The following RAP1GAP2 variants were observed in gnomAD, a reference collection of about 807,000 sequenced individuals.
RAP1GAP2 encodes RAP1 GTPase activating protein 2.
RAP1GAP2 carries 27 observed loss-of-function variants against 95.0 expected under a neutral mutation model. The ratio of observed to expected loss-of-function variants is 0.28; its 90% CI spans 0.21 to 0.39. The LOEUF (loss-of-function observed/expected upper bound fraction) is 0.39. Among genes scored for constraint, RAP1GAP2 ranks in the 10% least tolerant of loss-of-function variants. RAP1GAP2 has a pLI of 1.00. For synonymous variants in RAP1GAP2, 373 were observed against 380.9 expected (o/e 0.98, Z 0.24); for missense variants, 771 against 970.0 (o/e 0.79, Z 2.72).
At chr17:2,875,672 T>C (rs773768464) in intron 2 of RAP1GAP2, among the ~76,000 whole-genome samples, 35 of 152,220 alleles carry the variant, frequency 2.3e-4, no homozygotes, top group Admixed American at 9.2e-4. Context: ...TGCCTTTTTT[T>C]CTCACGACAG....
chr17:3,002,664 G>A (rs2046200804), intron 14 of RAP1GAP2, among the ~76,000 whole-genome samples: 1 of 152,190 alleles, frequency 6.6e-6, no homozygotes, highest in South Asian at 2.1e-4. Context: ...GTGAGCTGAA[G>A]AAAGAAGAGT....
chr17:2,799,464 G>A lies in RAP1GAP2; in HGVS notation c.45-1051G>A, dbSNP rs374541207. On this transcript the variant is annotated intron_variant, in intron 1 of 24. Coordinates refer to ENST00000254695, the MANE Select transcript of RAP1GAP2 (RefSeq NM_015085.5). Reference sequence around the variant, plus strand: ...GTGACTTGTGGGCTGGCTCAGCTCCGTGTCCTCTCCTCTTCCCTGGAGCTG... The same window carrying A: ...GTGACTTGTGGGCTGGCTCAGCTCCATGTCCTCTCCTCTTCCCTGGAGCTG... Among the ~76,000 whole-genome samples, 416 of 152,286 alleles carry A rather than the reference G, an allele frequency of 2.7e-3. 2 individuals carry two copies. Among genetic ancestry groups the A allele is most frequent in the African/African-American group, 8.7e-3 (363 of 41,562 alleles).
At chr17:2,942,222 C>T (rs1171857056) in intron 3 of RAP1GAP2, among the ~76,000 whole-genome samples, 3 of 152,194 alleles carry the variant, frequency 2.0e-5, no homozygotes, top group Non-Finnish European at 4.4e-5. Context: ...ACGTGTGAGG[C>T]GTATGGAAAG....
chr17:2,893,481 T>TGA (rs2073785273), intron 2 of RAP1GAP2, among the ~76,000 whole-genome samples: 1 of 152,224 alleles, frequency 6.6e-6, no homozygotes, highest in Non-Finnish European at 1.5e-5. Context: ...GGGTACATAG[T>TGA]TATCACTGCT....
intron 2 of RAP1GAP2, among the ~76,000 whole-genome samples, chr17:2,876,981 C>T (rs576134957): frequency 1.8e-4 from 28 of 151,736 alleles, no homozygotes; most frequent in African/African-American, 4.8e-4. Context: ...CTCCACCTCC[C>T]GGGTTCAAGC....
rs553563102 is a variant in RAP1GAP2, at chr17:2,906,368, C to T, written c.165+1000C>T. On this transcript the variant is annotated intron_variant, in intron 3 of 24. Coordinates refer to ENST00000254695, the MANE Select transcript of RAP1GAP2 (RefSeq NM_015085.5). The surrounding 1 kb of genome is among the most constrained non-coding windows in gnomAD (Gnocchi z 4.3). ...CATCTTCCTGTTGTTGTCCTGTATC[C>T]GATACCCATCACATACAGAGCCATG... Among the ~76,000 whole-genome samples the T allele has an allele frequency of 6.6e-6, 1 of 152,216 alleles. No individual in the cohort carries two copies. Among genetic ancestry groups the T allele is most frequent in the East Asian group, 1.9e-4 (1 of 5,168 alleles).
chr17:2,888,813 G>A (rs995770869), intron 2 of RAP1GAP2, among the ~76,000 whole-genome samples: 1 of 104,792 alleles, frequency 9.5e-6, no homozygotes, highest in African/African-American at 3.7e-5. Flanking sequence ...ACCACGCCCA[G>A]CTAATTTTTT....
In RAP1GAP2 at chr17:3,017,500, C is replaced by T. The variant is rs371187826; in HGVS notation, c.1495-561C>T. 6.6e-5 allele frequency among the ~76,000 whole-genome samples: 10 copies of T among 152,296 alleles called. 1 individual carries two copies. Among genetic ancestry groups the T allele is most frequent in the Admixed American group, 2.6e-4 (4 of 15,300 alleles). On this transcript the variant is annotated intron_variant, in intron 17 of 24. Coordinates refer to ENST00000254695, the MANE Select transcript of RAP1GAP2 (RefSeq NM_015085.5). ...CTCACACACTTGCACCCATGGCCAG[C>T]ATATTCCAAGTTGCCCAGAGCACAC...
At chr17:3,012,522 G>C (rs577250611) in intron 17 of RAP1GAP2, among the ~76,000 whole-genome samples, 1 of 151,100 alleles carries the variant, frequency 6.6e-6, no homozygotes, top group Non-Finnish European at 1.5e-5. Flanking sequence ...GGAGGCTGGG[G>C]CAGGAGAATT....
rs946733710 is a variant in RAP1GAP2 at position 2,963,578 on chromosome 17, G to T, written c.279+116G>T. 49 of 1,362,612 alleles carry T rather than the reference G, an allele frequency of 3.6e-5. No homozygotes were observed. Among genetic ancestry groups the T allele is most frequent in the Non-Finnish European group, 9.4e-6 (9 of 961,608 alleles). The allele number at this position is 1,362,612 out of a possible 1,614,324, so 84.4% of individuals were successfully genotyped here. A position where few individuals can be genotyped will look rare whatever the true frequency, so the allele number is the denominator to read the frequency against. On this transcript the variant is annotated intron_variant, in intron 6 of 24. Transcript: ENST00000254695. This position sits in a 1 kb window ranked among gnomAD's most constrained non-coding sequence, Gnocchi z 4.8. ...CCCAGGGGAGAGAACCTTGGGCCTG[G>T]GACCTCTCTTCCTGTCTTTGCCTTT...
At chr17:2,830,961 TCCCC>T (rs2070810429) in intron 2 of RAP1GAP2, among the ~76,000 whole-genome samples, 1 of 89,944 alleles carries the variant, frequency 1.1e-5, no homozygotes, top group African/African-American at 4.4e-5. Flanking sequence ...TCCCCTCCCC[TCCCC>T]TTCCCTCCCT....
intron 2 of RAP1GAP2, among the ~76,000 whole-genome samples, chr17:2,848,915 G>C (rs879826284): frequency 1.3e-5 from 2 of 152,090 alleles, no homozygotes; most frequent in Non-Finnish European, 2.9e-5. Flanking sequence ...CCCCTCCTCT[G>C]TCTTCCTCCT....
In RAP1GAP2 at chr17:3,020,231, T is replaced by C. The variant is rs1322110865; in HGVS notation, c.1633-246T>C. ...GCCTGGCCCTGTGTTCCTCCAACAG[T>C]TGTGGTCTTTGGTGGATCATGACCT... On this transcript the variant is annotated intron_variant, in intron 18 of 24. Transcript: ENST00000254695. Among the ~76,000 whole-genome samples, 6 of 152,310 alleles carry C rather than the reference T, an allele frequency of 3.9e-5. No individual in the cohort carries two copies. The East Asian group carries it at 1.2e-3, about 30-fold the overall frequency.
chr17:2,757,899 T>G (rs1294839455), intron 1 of RAP1GAP2, among the ~76,000 whole-genome samples: 2 of 151,410 alleles, frequency 1.3e-5, no homozygotes, highest in East Asian at 1.9e-4. Flanking sequence ...AGATGGAGTC[T>G]CACACTGTCA....
chr17:3,018,965 A>G (rs2046868162), intron 18 of RAP1GAP2, among the ~76,000 whole-genome samples: 1 of 152,250 alleles, frequency 6.6e-6, no homozygotes, highest in African/African-American at 2.4e-5. Flanking sequence ...CAGGAGGCTG[A>G]GGCAGAGAAT....
intron 2 of RAP1GAP2, among the ~76,000 whole-genome samples, chr17:2,815,652 T>C (rs1966302): frequency 0.46 from 69,971 of 151,464 alleles, 16,573 homozygotes; most frequent in Non-Finnish European, 0.52. Flanking sequence ...CAGCTAATTT[T>C]TGTATTTTTA....
At chr17:2,767,591 C>T (rs1314369230) in intron 1 of RAP1GAP2, among the ~76,000 whole-genome samples, 4 of 136,774 alleles carry the variant, frequency 2.9e-5, no homozygotes, top group Non-Finnish European at 4.7e-5. Flanking sequence ...ATGTCAATCA[C>T]GCATGAGGCC....
chr17:2,962,835 C>G, intron 5 of RAP1GAP2, 121 bp downstream of exon 5: 1 of 970,060 alleles, frequency 1.0e-6, no homozygotes, highest in South Asian at 1.8e-5. Flanking sequence ...AACTCTGACT[C>G]GCACCACGGG....
Position 2,963,721 on chromosome 17 carries a change from T to C in RAP1GAP2, c.280-135T>C. On this transcript the variant is annotated intron_variant, in intron 6 of 24. Transcript: ENST00000254695. This position sits in a 1 kb window ranked among gnomAD's most constrained non-coding sequence, Gnocchi z 4.8. Reference sequence around the variant, plus strand: ...TTGTGGGGCTTGGAGGAGGGGTTCATGTCACTGCCTTTGGCCTCAAGTACC... The same window carrying C: ...TTGTGGGGCTTGGAGGAGGGGTTCACGTCACTGCCTTTGGCCTCAAGTACC... The C allele has an allele frequency of 1.2e-6, 1 of 863,042 alleles. No individual in the cohort carries two copies. Among genetic ancestry groups the C allele is most frequent in the Non-Finnish European group, 1.8e-6 (1 of 566,086 alleles). 53.5% of individuals were successfully genotyped at this position (863,042 alleles called of 1,614,324 possible).
Sources: allele counts gnomAD v4.1 joint callset (sites outside exome capture counted in the v4.1 genomes callset), GRCh38; gene constraint gnomAD v4.1.1; non-coding constraint Gnocchi (gnomAD v3.1); transcripts MANE v1.5; gene names NCBI Gene and HGNC (gene_info 2026-07-23, HGNC 2026-07-21).